ARHGAP36: variants seen among roughly 807,000 people sequenced by gnomAD.
ARHGAP36 encodes Rho GTPase activating protein 36.
Under a neutral mutation model 32.9 loss-of-function variants are expected in ARHGAP36, and 7 were observed. The ratio of observed to expected loss-of-function variants is 0.21; its 90% confidence interval spans 0.12 to 0.40. The LOEUF is 0.40. Ranked by LOEUF, ARHGAP36 falls within the 10% of genes least tolerant of loss-of-function variation. The probability of loss-of-function intolerance (pLI) is 1.00; values close to 1 mark genes in which losing one functional copy is unlikely to be tolerated. For missense variants in ARHGAP36, 383 were observed against 442.2 expected, an observed-to-expected ratio of 0.87 and a Z score of 1.20; for synonymous variants, 165 against 168.3, an observed-to-expected ratio of 0.98 and a Z score of 0.15.
chrX:131,058,913 G>A (rs752500889), intron 1 of ARHGAP36, among the ~76,000 whole-genome samples: 7 of 112,794 alleles, frequency 6.2e-5, no homozygotes, highest in African/African-American at 1.9e-4. Context: ...GGACCCCCTA[G>A]AGTCGTCGAA....
intron 1 of ARHGAP36, among the ~76,000 whole-genome samples, chrX:131,078,991 A>G (rs184612159): frequency 2.2e-4 from 24 of 111,287 alleles, no homozygotes; most frequent in Non-Finnish European, 4.2e-4. Flanking sequence ...TTTGGGGGAG[A>G]GAAGGGACTG....
At chrX:131,069,968 T>C (rs896440331) in intron 1 of ARHGAP36, among the ~76,000 whole-genome samples, 1 of 112,434 alleles carries the variant, frequency 8.9e-6, no homozygotes, top group Admixed American at 9.4e-5. Flanking sequence ...GCAAGCGCTA[T>C]ACAGGCGGCA....
chrX:131,085,488 C>T, intron 7 of ARHGAP36, 100 bp from the exon 8 acceptor site: 1 of 1,026,258 alleles, frequency 9.7e-7, no homozygotes, highest in South Asian at 2.5e-5. Context: ...GTACTTTCTC[C>T]ATAACTGCCA....
intron 1 of ARHGAP36, among the ~76,000 whole-genome samples, chrX:131,071,562 G>C (rs762481948): frequency 4.5e-5 from 5 of 111,844 alleles, no homozygotes; most frequent in Non-Finnish European, 7.5e-5. Context: ...TAGAGGATAA[G>C]TGAAACTTGA....
chrX:131,081,241 T>C (rs145569728), intron 1 of ARHGAP36, among the ~76,000 whole-genome samples: 2,452 of 108,791 alleles, frequency 0.023, 65 homozygotes, highest in African/African-American at 0.076. Context: ...TCTCCTAACC[T>C]AGATGAAAGT....
Position 131,081,795 on chromosome X carries a change from G to C in ARHGAP36, c.130G>C (p.Asp44His). 1 of 1,211,868 alleles carries C rather than the reference G, an allele frequency of 8.3e-7. No individual in the cohort carries two copies. The highest frequency in any genetic ancestry group is 1.1e-6 in the Non-Finnish European group (1 of 895,576). ...GGGAGGAGCCCCAGGACACAACCCCGACCGCAGGACGAAGATGGTATCGAT... is the reference window on the plus strand; with the variant it reads ...GGGAGGAGCCCCAGGACACAACCCCCACCGCAGGACGAAGATGGTATCGAT... ...VLGGAPGHNP[D>H]RRTKMVSIHS... is the part of the protein sequence containing the mutation. Residue 44 changes from aspartate (D) to histidine (H), a missense_variant, in exon 2 of 12, where the codon GAC (aspartate) becomes CAC (histidine). This residue lies in a region of ARHGAP36 where 156 missense variants were observed against 131.0 expected (regional missense o/e 1.19). Transcript: ENST00000276211.
chrX:131,067,950 GCA>G (rs761489010), intron 1 of ARHGAP36, among the ~76,000 whole-genome samples: 3 of 110,767 alleles, frequency 2.7e-5, no homozygotes, highest in South Asian at 7.7e-4. Flanking sequence ...GCTTCAACGG[GCA>G]CACACACATC....
intron 1 of ARHGAP36, among the ~76,000 whole-genome samples, chrX:131,058,940 A>G (rs758264756): frequency 8.9e-6 from 1 of 112,577 alleles, no homozygotes; most frequent in South Asian, 3.8e-4. Flanking sequence ...CCCTTCATTT[A>G]AGAGATGATG....
intron 3 of ARHGAP36, among the ~76,000 whole-genome samples, chrX:131,083,491 C>G (rs192561513): frequency 2.7e-5 from 3 of 111,978 alleles, no homozygotes; most frequent in Non-Finnish European, 5.7e-5. Flanking sequence ...AGGTAGTCAC[C>G]CCCAGGGAAA....
rs1232694583 is a variant in ARHGAP36 at position 131,084,151 on chromosome X, C to T, written c.556-64C>T. 6 of 1,102,474 alleles carry T rather than the reference C, an allele frequency of 5.4e-6. No homozygotes were observed. In the African/African-American group the frequency reaches 5.5e-5, roughly 10 times the overall value. 90.9% of individuals were successfully genotyped at this position (1,102,474 alleles called of 1,213,427 possible). A position where few individuals can be genotyped will look rare whatever the true frequency, so the allele number is the denominator to read the frequency against. ...TGTCCTGAATGTCATACATACAGTA[C>T]TCAGGAAGGTCCTAATTGACTCTCT... On this transcript the variant is annotated intron_variant, in intron 4 of 11. Transcript: ENST00000276211.
intron 7 of ARHGAP36, 60 bp downstream of exon 7, chrX:131,085,124 G>A (rs2079827544): frequency 1.8e-6 from 2 of 1,127,251 alleles, no homozygotes; most frequent in Non-Finnish European, 2.3e-6. Context: ...GGTCTAGGGG[G>A]TTCTAGGGAC....
chrX:131,083,991 T>C, intron 4 of ARHGAP36, 22 bp downstream of exon 4: 1 of 1,198,744 alleles, frequency 8.3e-7, no homozygotes, highest in Non-Finnish European at 1.1e-6. Context: ...CCTCCAGGTT[T>C]CAGGCAGGGG....
At chrX:131,070,871 C>T (rs1393833401) in intron 1 of ARHGAP36, among the ~76,000 whole-genome samples, 1 of 109,174 alleles carries the variant, frequency 9.2e-6, no homozygotes, top group Non-Finnish European at 1.9e-5. Context: ...AATCGTGTCT[C>T]CCAGCTGCCC....
chrX:131,060,560 C>T (rs1273550011), intron 1 of ARHGAP36, among the ~76,000 whole-genome samples: 1 of 112,610 alleles, frequency 8.9e-6, no homozygotes, highest in African/African-American at 3.2e-5. Flanking sequence ...TTACTTTCAA[C>T]GAAAGCTACT....
At chrX:131,059,227 C>A (rs903893620) in intron 1 of ARHGAP36, among the ~76,000 whole-genome samples, 3 of 112,111 alleles carry the variant, frequency 2.7e-5, no homozygotes, top group Non-Finnish European at 5.6e-5. Context: ...TACATTTTGA[C>A]AACTGATTAT....
chrX:131,064,121 G>C (rs1002719183), intron 1 of ARHGAP36, among the ~76,000 whole-genome samples: 11 of 111,750 alleles, frequency 9.8e-5, no homozygotes. Flanking sequence ...AAATAGTCAT[G>C]CTTTTATTTT....
intron 1 of ARHGAP36, among the ~76,000 whole-genome samples, chrX:131,070,244 C>T (rs954966027): frequency 3.6e-5 from 4 of 112,501 alleles, no homozygotes; most frequent in African/African-American, 1.3e-4. Flanking sequence ...AAGAAGAAAG[C>T]CTCTTTCCTG....
At chrX:131,084,084 G>A in intron 4 of ARHGAP36, 115 bp downstream of exon 4, 2 of 1,036,905 alleles carry the variant, frequency 1.9e-6, no homozygotes, top group African/African-American at 3.7e-5. Context: ...AACACAATAT[G>A]TTGAAGTGGT....
chrX:131,073,266 A>T (rs1459620910), intron 1 of ARHGAP36, among the ~76,000 whole-genome samples: 2 of 112,909 alleles, frequency 1.8e-5, no homozygotes, highest in African/African-American at 6.4e-5. Context: ...GTTTAACTTT[A>T]CAGGTTCTGC....
Sources: allele counts gnomAD v4.1 joint callset (sites outside exome capture counted in the v4.1 genomes callset), GRCh38; gene constraint gnomAD v4.1.1; regional missense constraint gnomAD v4.1.1; transcripts MANE v1.5; gene names NCBI Gene and HGNC (gene_info 2026-07-23, HGNC 2026-07-21).